The following SLC23A2 variants were observed in gnomAD, a reference collection of about 807,000 sequenced individuals.
SLC23A2 encodes solute carrier family 23 member 2.
Under a neutral mutation model 73.3 loss-of-function variants are expected in SLC23A2, and 36 were observed. That is an observed-to-expected ratio of 0.49 (90% CI 0.38 to 0.65). The LOEUF is 0.65. SLC23A2 is among the 30% of genes least tolerant of loss of function. The pLI is 0.00. For synonymous variants in SLC23A2, 343 were observed against 327.3 expected (o/e 1.05, Z -0.52); for missense variants, 507 against 841.6 (o/e 0.60, Z 4.92).
chr20:4,974,565 T>A (rs2087614392), intron 1 of SLC23A2, among the ~76,000 whole-genome samples: 1 of 150,190 alleles, frequency 6.7e-6, no homozygotes, highest in Non-Finnish European at 1.5e-5. Flanking sequence ...ATGACAAATA[T>A]CTTCTGAAAA....
chr20:4,922,542 G>C (rs916134730), intron 3 of SLC23A2, among the ~76,000 whole-genome samples: 3 of 152,146 alleles, frequency 2.0e-5, no homozygotes, highest in African/African-American at 7.2e-5. Context: ...ATTAAGAGGT[G>C]AGAGGCCGGG....
chr20:4,991,780 C>T (rs1023531819), intron 1 of SLC23A2, among the ~76,000 whole-genome samples: 1 of 148,282 alleles, frequency 6.7e-6, no homozygotes, highest in Non-Finnish European at 1.5e-5. Flanking sequence ...AATCTATAGA[C>T]CACATATTAG....
intron 4 of SLC23A2, among the ~76,000 whole-genome samples, chr20:4,907,093 A>G (rs1406463412): frequency 6.6e-6 from 1 of 152,252 alleles, no homozygotes; most frequent in Non-Finnish European, 1.5e-5. Context: ...GTATGGTTTG[A>G]AGAATATAAA....
At chr20:4,919,073 T>C (rs980648999) in intron 3 of SLC23A2, among the ~76,000 whole-genome samples, 4 of 152,194 alleles carry the variant, frequency 2.6e-5, no homozygotes, top group Middle Eastern at 3.2e-3. Context: ...CTACTTTCAA[T>C]ATTATTAGAA....
chr20:4,888,374 T>C (rs189580524), intron 6 of SLC23A2, among the ~76,000 whole-genome samples: 41 of 152,342 alleles, frequency 2.7e-4, no homozygotes, highest in Middle Eastern at 6.8e-3. Context: ...AAGAAGTTTT[T>C]CTGACCTGTC....
chr20:4,978,759 T>G (rs2087682589), intron 1 of SLC23A2, among the ~76,000 whole-genome samples: 1 of 152,130 alleles, frequency 6.6e-6, no homozygotes, highest in African/African-American at 2.4e-5. Flanking sequence ...CCAGATGCTG[T>G]GAAGCTACAC....
intron 3 of SLC23A2, among the ~76,000 whole-genome samples, chr20:4,926,157 T>C (rs965086107): frequency 3.3e-5 from 5 of 152,220 alleles, no homozygotes; most frequent in Admixed American, 1.3e-4. Context: ...TCCCACTCTC[T>C]GGTAAGACTA....
intron 6 of SLC23A2, among the ~76,000 whole-genome samples, chr20:4,893,909 C>T (rs766977767): frequency 9.9e-5 from 15 of 152,074 alleles, no homozygotes; most frequent in African/African-American, 3.1e-4. Context: ...CACCAGCCTG[C>T]GGGAAAGTCA....
At position 4,868,543 on chromosome 20, in the gene SLC23A2, G is replaced by T. The variant is rs963438875; in HGVS notation, c.1251-668C>A. Reference sequence around the variant, plus strand: ...TATAAGACAAACATGGGCCGTCTATGGAAATAAAACATTGATGTGATCCTT... The same window carrying T: ...TATAAGACAAACATGGGCCGTCTATTGAAATAAAACATTGATGTGATCCTT... On this transcript the variant is annotated intron_variant, in intron 12 of 16. Coordinates refer to ENST00000338244, the MANE Select transcript of SLC23A2 (RefSeq NM_005116.6). The surrounding 1 kb of genome is among the most constrained non-coding windows in gnomAD (Gnocchi z 4.4). 2.6e-5 allele frequency among the ~76,000 whole-genome samples: 4 copies of T among 152,124 alleles called. No homozygotes were observed. Among genetic ancestry groups the T allele is most frequent in the African/African-American group, 9.7e-5 (4 of 41,424 alleles).
At chr20:4,935,186 CAAAAAAAAAAAAA>C (rs34200051) in intron 2 of SLC23A2, among the ~76,000 whole-genome samples, 5 of 68,134 alleles carry the variant, frequency 7.3e-5, no homozygotes, top group African/African-American at 3.0e-4. Context: ...GACTCCGTCT[CAAAAAAAAAAAAA>C]AAAAAAAAGA....
At chr20:4,993,457 A>G (rs970257919) in intron 1 of SLC23A2, among the ~76,000 whole-genome samples, 1 of 151,604 alleles carries the variant, frequency 6.6e-6, no homozygotes, top group Admixed American at 6.6e-5. Flanking sequence ...AACACTTTCT[A>G]GTCATAAGCA....
chr20:4,932,620 A>C lies in SLC23A2; in HGVS notation c.-58T>G. On this transcript the variant is annotated 5_prime_UTR_variant, in exon 3 of 17. Transcript: ENST00000338244. Reference sequence around the variant, plus strand: ...GGAGAGCAGCTGGAAGTGAAGGCTTATTCAAGCTAGGAGCCCAGGATCAGC... The same window carrying C: ...GGAGAGCAGCTGGAAGTGAAGGCTTCTTCAAGCTAGGAGCCCAGGATCAGC... 2 of 962,566 alleles carry C rather than the reference A, an allele frequency of 2.1e-6. No homozygotes were observed. The highest frequency in any genetic ancestry group is 1.7e-5 in the Admixed American group (1 of 58,588). The allele number at this position is 962,566 out of a possible 1,614,324, so 59.6% of individuals were successfully genotyped here.
intron 1 of SLC23A2, among the ~76,000 whole-genome samples, chr20:4,984,195 AG>A (rs1325094590): frequency 6.6e-6 from 1 of 152,152 alleles, no homozygotes; most frequent in Non-Finnish European, 1.5e-5. Context: ...TTGGAATCTG[AG>A]GCTGCAGTGA....
At chr20:4,923,934 T>C (rs994705283) in intron 3 of SLC23A2, among the ~76,000 whole-genome samples, 1 of 152,204 alleles carries the variant, frequency 6.6e-6, no homozygotes, top group African/African-American at 2.4e-5. Flanking sequence ...TTCTTCACTG[T>C]ACCTCCCTAC....
At chr20:4,919,108 A>G (rs943761032) in intron 3 of SLC23A2, among the ~76,000 whole-genome samples, 1 of 152,258 alleles carries the variant, frequency 6.6e-6, no homozygotes, top group Non-Finnish European at 1.5e-5. Context: ...CACTATGAAA[A>G]ATAAATTCAA....
chr20:4,886,542 T>G (rs1931106116), intron 6 of SLC23A2, among the ~76,000 whole-genome samples: 1 of 152,200 alleles, frequency 6.6e-6, no homozygotes, highest in South Asian at 2.1e-4. Flanking sequence ...GAATCTCCAT[T>G]AAATTTGCTG....
intron 2 of SLC23A2, among the ~76,000 whole-genome samples, chr20:4,941,597 T>G (rs1475809903): frequency 1.3e-5 from 2 of 149,696 alleles, no homozygotes; most frequent in Non-Finnish European, 3.0e-5. Context: ...AGCCACTTGG[T>G]AGGCTGAGAT....
chr20:4,865,548 G>A (rs1339513874), intron 13 of SLC23A2, among the ~76,000 whole-genome samples: 2 of 152,174 alleles, frequency 1.3e-5, no homozygotes, highest in African/African-American at 4.8e-5. Flanking sequence ...TAAAAGGAAT[G>A]ATTTCCCAAA....
At position 4,857,283 on chromosome 20, in the gene SLC23A2, T is replaced by TACACACACACACAC. The variant is rs398035250; in HGVS notation, c.1721-93_1721-80dup. ...GAAAATGAAACTGTCGTCAAACACA[T>TACACACACACACAC]ACACACACACACACACACACACACA... On this transcript the variant is annotated intron_variant, in intron 16 of 16. Coordinates refer to ENST00000338244, the MANE Select transcript of SLC23A2 (RefSeq NM_005116.6). The surrounding 1 kb of genome is among the most constrained non-coding windows in gnomAD (Gnocchi z 4.0). The TACACACACACACAC allele has an allele frequency of 5.5e-5, 23 of 421,172 alleles. No homozygotes were observed. Among genetic ancestry groups the TACACACACACACAC allele is most frequent in the Middle Eastern group, 9.6e-4 (2 of 2,084 alleles). 26.1% of individuals were successfully genotyped at this position (421,172 alleles called of 1,614,324 possible).
Sources: gnomAD v4.1 joint callset for allele counts (sites outside exome capture counted in the v4.1 genomes callset) on GRCh38, gnomAD v4.1.1 for gene constraint, Gnocchi (gnomAD v3.1) non-coding constraint, MANE v1.5 for transcripts, NCBI Gene and HGNC (gene_info 2026-07-23, HGNC 2026-07-21) for gene names.